PDE1C: variants seen among roughly 807,000 people sequenced by gnomAD.
The protein encoded by PDE1C is phosphodiesterase 1C.
In PDE1C, 62 loss-of-function variants were observed where a neutral mutation model predicts 93.1. The ratio of observed to expected loss-of-function variants is 0.67; its 90% CI spans 0.54 to 0.82. The LOEUF is 0.82. Ranked by LOEUF, PDE1C falls within the 40% of genes least tolerant of loss-of-function variation. PDE1C has a pLI of 0.00. For synonymous variants in PDE1C, 325 were observed against 310.1 expected, an observed-to-expected ratio of 1.05 and a Z score of -0.50; for missense variants, 742 against 884.6, an observed-to-expected ratio of 0.84 and a Z score of 2.04.
At chr7:32,347,691 G>T (rs1412809693) in intron 1 of PDE1C, among the ~76,000 whole-genome samples, 1 of 152,250 alleles carries the variant, frequency 6.6e-6, no homozygotes. Flanking sequence ...AGCTATGTGT[G>T]GTCTCTATGA....
chr7:31,798,994 T>C (rs2128683534), intron 16 of PDE1C, among the ~76,000 whole-genome samples: 1 of 151,910 alleles, frequency 6.6e-6, no homozygotes, highest in Admixed American at 6.6e-5. Context: ...GGACATTTTT[T>C]TTTTGGAAGA....
chr7:32,299,669 C>T (rs1304046771), upstream of PDE1C, among the ~76,000 whole-genome samples: 4 of 152,196 alleles, frequency 2.6e-5, no homozygotes, highest in East Asian at 5.8e-4. Flanking sequence ...AAGGAAGTGG[C>T]GGACTTTGGA....
At chr7:32,250,847 A>G (rs1487364598) in intron 1 of PDE1C, among the ~76,000 whole-genome samples, 1 of 152,226 alleles carries the variant, frequency 6.6e-6, no homozygotes, top group Non-Finnish European at 1.5e-5. Flanking sequence ...AAGCCTGATT[A>G]CAAGTTCAGG....
At chr7:32,070,200 C>A in intron 1 of PDE1C, 93 bp downstream of exon 1, 6 of 1,579,352 alleles carry the variant, frequency 3.8e-6, no homozygotes, top group South Asian at 1.2e-5. Context: ...AAGGCCCATG[C>A]AGGAACAGGG....
chr7:31,645,173 A>G, the PDE1C span, among the ~76,000 whole-genome samples: 2 of 152,226 alleles, frequency 1.3e-5, no homozygotes, highest in East Asian at 3.9e-4. Flanking sequence ...ACATTACAGT[A>G]TAAGCAAAGA....
the PDE1C span, among the ~76,000 whole-genome samples, chr7:31,729,217 G>T: frequency 1.3e-5 from 2 of 152,192 alleles, no homozygotes; most frequent in Admixed American, 1.3e-4. Context: ...TAAAAGTTTT[G>T]TTTCTTTGTT....
chr7:32,194,489 T>C (rs138959232), intron 2 of PDE1C, among the ~76,000 whole-genome samples: 1 of 152,378 alleles, frequency 6.6e-6, no homozygotes, highest in Admixed American at 6.5e-5. Flanking sequence ...GTTTGGTGCA[T>C]AAATATATAG....
chr7:31,834,752 A>C (rs1284001586), intron 11 of PDE1C, among the ~76,000 whole-genome samples: 4 of 151,952 alleles, frequency 2.6e-5, no homozygotes, highest in African/African-American at 9.7e-5. Context: ...TGAGACTTCG[A>C]ACTGTGGACT....
chr7:31,638,632 GTCT>G, the PDE1C span, among the ~76,000 whole-genome samples: 1 of 152,104 alleles, frequency 6.6e-6, no homozygotes, highest in Non-Finnish European at 1.5e-5. Flanking sequence ...TTACTCAACT[GTCT>G]TCTTACTTGG....
chr7:31,933,743 T>C (rs1391073785), intron 2 of PDE1C, among the ~76,000 whole-genome samples: 1 of 152,196 alleles, frequency 6.6e-6, no homozygotes, highest in Non-Finnish European at 1.5e-5. Flanking sequence ...AGAGATCTGT[T>C]GGTTTAAAAG....
intron 1 of PDE1C, among the ~76,000 whole-genome samples, chr7:32,375,254 C>T (rs951302105): frequency 2.0e-5 from 3 of 152,122 alleles, no homozygotes; most frequent in African/African-American, 7.2e-5. Context: ...TGGCCTCAAG[C>T]TCCTCCATAT....
intron 1 of PDE1C, among the ~76,000 whole-genome samples, chr7:32,058,984 T>A (rs1044373591): frequency 6.6e-6 from 1 of 151,810 alleles, no homozygotes; most frequent in Non-Finnish European, 1.5e-5. Context: ...AAAAACCTCA[T>A]TTTTACCTTG....
chr7:31,865,228 C>T (rs1384300508), intron 6 of PDE1C, 146 bp from the exon 7 acceptor site: 1 of 689,666 alleles, frequency 1.4e-6, no homozygotes, highest in East Asian at 2.8e-5. Flanking sequence ...AAATTACTGA[C>T]AAAATTATCA....
chr7:31,872,708 G>A (rs1796093137), intron 6 of PDE1C, among the ~76,000 whole-genome samples: 2 of 152,114 alleles, frequency 1.3e-5, no homozygotes, highest in Non-Finnish European at 2.9e-5. Flanking sequence ...ACTCCCTGAG[G>A]ATCTGACCCC....
At chr7:32,341,173 C>CTATTTTTTATTTTTTTTTA (rs796122014) in intron 1 of PDE1C, among the ~76,000 whole-genome samples, 2 of 84,952 alleles carry the variant, frequency 2.4e-5, no homozygotes, top group Admixed American at 1.7e-4. Context: ...GAAATAAAGT[C>CTATTTTTTATTTTTTTTTA]TTTTTTTTTT....
intron 2 of PDE1C, among the ~76,000 whole-genome samples, chr7:32,191,697 T>G (rs1804242079): frequency 6.6e-6 from 1 of 152,242 alleles, no homozygotes; most frequent in Admixed American, 6.5e-5. Context: ...TAGGTTTTTG[T>G]GTTAATATAA....
intron 1 of PDE1C, among the ~76,000 whole-genome samples, chr7:32,241,785 C>T (rs10259431): frequency 0.55 from 82,863 of 151,814 alleles, 24,643 homozygotes; most frequent in Admixed American, 0.67. Context: ...ATCCATTTCA[C>T]CAGTAAGGAT....
At chr7:32,330,072 C>A (rs908724853) in intron 1 of PDE1C, among the ~76,000 whole-genome samples, 1 of 152,244 alleles carries the variant, frequency 6.6e-6, no homozygotes, top group Non-Finnish European at 1.5e-5. Flanking sequence ...GAACACATAT[C>A]TTTGGCCCAC....
chr7:32,024,313 T>C (rs1183839407), intron 2 of PDE1C, among the ~76,000 whole-genome samples: 1 of 151,778 alleles, frequency 6.6e-6, no homozygotes, highest in East Asian at 2.0e-4. Flanking sequence ...ATATACCTTT[T>C]TACAATAAGG....
Sources: allele counts gnomAD v4.1 joint callset (sites outside exome capture counted in the v4.1 genomes callset), GRCh38; gene constraint gnomAD v4.1.1; transcripts MANE v1.5; gene names NCBI Gene and HGNC (gene_info 2026-07-23, HGNC 2026-07-21).